PTPRR: variants seen among roughly 807,000 people sequenced by gnomAD.
The protein encoded by PTPRR is receptor-type tyrosine-protein phosphatase R.
PTPRR carries 38 observed loss-of-function variants against 77.2 expected under a neutral mutation model. That is an observed-to-expected ratio of 0.49 (90% CI 0.38 to 0.65). The LOEUF (loss-of-function observed/expected upper bound fraction) is 0.65. PTPRR is among the 30% of genes least tolerant of loss of function. The pLI, the probability that PTPRR is intolerant of heterozygous loss-of-function variation, is 0.00. For missense variants in PTPRR, 744 were observed against 799.2 expected, an observed-to-expected ratio of 0.93 and a Z score of 0.83; for synonymous variants, 299 against 283.1, an observed-to-expected ratio of 1.06 and a Z score of -0.57.
intron 2 of PTPRR, among the ~76,000 whole-genome samples, chr12:70,775,109 G>A (rs1462099027): frequency 6.6e-6 from 1 of 152,112 alleles, no homozygotes; most frequent in African/African-American, 2.4e-5. Context: ...CAAATGGTAA[G>A]CCACTTTACA....
chr12:70,687,161 T>C (rs1016782536), intron 8 of PTPRR, among the ~76,000 whole-genome samples: 8 of 151,996 alleles, frequency 5.3e-5, no homozygotes, highest in African/African-American at 1.7e-4. Flanking sequence ...AGAGGTTAAG[T>C]AACTCACCCA....
chr12:70,788,290 G>T (rs1426729842), intron 2 of PTPRR, among the ~76,000 whole-genome samples: 2 of 152,174 alleles, frequency 1.3e-5, no homozygotes, highest in African/African-American at 4.8e-5. Context: ...AATTATAACA[G>T]AAGATACTGA....
intron 13 of PTPRR, among the ~76,000 whole-genome samples, chr12:70,651,366 G>C (rs544544712): frequency 6.6e-6 from 1 of 152,268 alleles, no homozygotes; most frequent in African/African-American, 2.4e-5. Context: ...ATAAACTTTA[G>C]AAAAAGATAA....
At chr12:70,862,589 G>T (rs1301747077) in intron 2 of PTPRR, among the ~76,000 whole-genome samples, 2 of 119,764 alleles carry the variant, frequency 1.7e-5, no homozygotes, top group African/African-American at 6.3e-5. Flanking sequence ...GGGGACTGTT[G>T]TGGGGTGGGG....
chr12:70,844,559 G>C (rs531093435), intron 2 of PTPRR, among the ~76,000 whole-genome samples: 1 of 152,228 alleles, frequency 6.6e-6, no homozygotes, highest in South Asian at 2.1e-4. Flanking sequence ...CCAGGGACTG[G>C]GAGGTAGGGA....
intron 10 of PTPRR, among the ~76,000 whole-genome samples, chr12:70,677,714 G>T (rs555529719): frequency 1.3e-5 from 2 of 152,258 alleles, no homozygotes; most frequent in African/African-American, 4.8e-5. Flanking sequence ...ATATTTATTA[G>T]TTTGTGTAAA....
intron 6 of PTPRR, among the ~76,000 whole-genome samples, 159 bp from the exon 7 acceptor site, chr12:70,701,482 C>G (rs1888422393): frequency 6.6e-6 from 1 of 152,088 alleles, no homozygotes; most frequent in Admixed American, 6.6e-5. Context: ...TAGCAACTAC[C>G]CATAGTTCCT....
chr12:70,802,752 T>G lies in PTPRR; in HGVS notation c.358-37974A>C, dbSNP rs79058265. Among the ~76,000 whole-genome samples, 158 of 152,348 alleles carry G rather than the reference T, an allele frequency of 1.0e-3. 1 individual carries two copies. Among genetic ancestry groups the G allele is most frequent in the African/African-American group, 3.7e-3 (152 of 41,590 alleles). On this transcript the variant is annotated intron_variant, in intron 2 of 13. Coordinates refer to ENST00000283228, the MANE Select transcript of PTPRR (RefSeq NM_002849.4). ...ATTCTTTCTCTTTGTTTCCAACATT[T>G]ATAATTGGTGTCTATATCTTGAGAT...
At chr12:70,699,985 A>T (rs925901835) in intron 7 of PTPRR, among the ~76,000 whole-genome samples, 10 of 152,186 alleles carry the variant, frequency 6.6e-5, no homozygotes. Flanking sequence ...TCATAAACAA[A>T]GAGCTGTCTG....
intron 2 of PTPRR, among the ~76,000 whole-genome samples, chr12:70,789,202 T>C (rs1223067495): frequency 6.6e-6 from 1 of 152,098 alleles, no homozygotes; most frequent in Admixed American, 6.5e-5. Context: ...ATGGCACATG[T>C]ATACATATGT....
At chr12:70,787,839 G>A (rs1467379835) in intron 2 of PTPRR, among the ~76,000 whole-genome samples, 2 of 152,104 alleles carry the variant, frequency 1.3e-5, no homozygotes, top group Admixed American at 1.3e-4. Context: ...TTATTAAGAT[G>A]GATGTAAACA....
chr12:70,837,547 GTTTAC>G (rs1892325485), intron 2 of PTPRR, among the ~76,000 whole-genome samples: 1 of 152,028 alleles, frequency 6.6e-6, no homozygotes, highest in African/African-American at 2.4e-5. Flanking sequence ...AGGGAAACAT[GTTTAC>G]TTGTTTATTA....
Position 70,920,502 on chromosome 12 carries a change from T to G in PTPRR, c.-112A>C, listed in dbSNP as rs1592834193. 2.9e-6 allele frequency: 3 copies of G among 1,043,880 alleles called. No homozygotes were observed. Among genetic ancestry groups the G allele is most frequent in the African/African-American group, 3.2e-5 (2 of 63,020 alleles). The allele number at this position is 1,043,880 out of a possible 1,614,324, so 64.7% of individuals were successfully genotyped here. ...CTTCTAGTCTCCGGGATTCAGGTCC[T>G]CGGCTGGGGTTTGCAGAGCAGTCAG... On this transcript the variant is annotated 5_prime_UTR_variant, in exon 1 of 14. Coordinates refer to ENST00000283228, the MANE Select transcript of PTPRR (RefSeq NM_002849.4).
At chr12:70,778,412 T>C (rs1410540869) in intron 2 of PTPRR, among the ~76,000 whole-genome samples, 2 of 152,216 alleles carry the variant, frequency 1.3e-5, no homozygotes, top group Non-Finnish European at 2.9e-5. Flanking sequence ...GCCGTTATAG[T>C]CTACAGATTC....
intron 10 of PTPRR, chr12:70,664,241 CT>C (rs1886899074): frequency 6.6e-6 from 1 of 152,196 alleles, no homozygotes; most frequent in South Asian, 2.1e-4. Flanking sequence ...GAGAAGAAAC[CT>C]TTTTAAAGTA....
intron 10 of PTPRR, chr12:70,672,015 A>C: frequency 2.3e-6 from 3 of 1,304,704 alleles, no homozygotes; most frequent in Non-Finnish European, 3.3e-6. Context: ...GTCCAGTTCC[A>C]GGCACCCCAC....
At chr12:70,863,669 C>A (rs899805385) in intron 2 of PTPRR, among the ~76,000 whole-genome samples, 3 of 148,796 alleles carry the variant, frequency 2.0e-5, no homozygotes, top group Non-Finnish European at 4.6e-5. Flanking sequence ...TTCTAATGAA[C>A]CAATTATCTA....
intron 2 of PTPRR, among the ~76,000 whole-genome samples, chr12:70,807,484 C>T (rs372539630): frequency 6.6e-6 from 1 of 152,276 alleles, no homozygotes; most frequent in Admixed American, 6.5e-5. Context: ...CTTCTCCCCC[C>T]ACCCCACCAG....
intron 11 of PTPRR, chr12:70,661,340 T>C (rs1465587288): frequency 2.0e-6 from 1 of 493,040 alleles, no homozygotes. Context: ...CCTATAGTTA[T>C]AATATAGATC....
Sources: gnomAD v4.1 joint callset for allele counts (sites outside exome capture counted in the v4.1 genomes callset) on GRCh38, gnomAD v4.1.1 for gene constraint, MANE v1.5 for transcripts, NCBI Gene and HGNC (gene_info 2026-07-23, HGNC 2026-07-21) for gene names.